The following PKDREJ variants were observed in gnomAD, a reference collection of about 807,000 sequenced individuals.
The protein encoded by PKDREJ is PKD and REJ homolog.
For missense variants in PKDREJ, 2,507 were observed against 2,807.2 expected (o/e 0.89, Z 2.42); for synonymous variants, 1,031 against 1,095.5 (o/e 0.94, Z 1.16).
At position 46,261,307 on chromosome 22, in the gene PKDREJ, G is replaced by A. The variant is rs1936693753; in HGVS notation, c.2016C>T (p.Asp672=). 6.2e-7 allele frequency: 1 copy of A among 1,613,968 alleles called. No individual in the cohort carries two copies. Among genetic ancestry groups the A allele is most frequent in the South Asian group, 1.1e-5 (1 of 91,080 alleles). Reference sequence around the variant, plus strand: ...TCAACACTGTCTTTGATGAATTTTTGTCAGTGGGAGCCTGTGCGGTGGCAT... The same window carrying A: ...TCAACACTGTCTTTGATGAATTTTTATCAGTGGGAGCCTGTGCGGTGGCAT... ...TLHATAQAPT[D]KNSSKTVLNQ... is the part of the protein sequence containing the mutation. Residue 672 remains aspartate, a synonymous_variant, in exon 1 of 1, where the codon GAC becomes GAT. Transcript: ENST00000253255. This position sits in a 1 kb window ranked among gnomAD's most constrained non-coding sequence, Gnocchi z 7.1.
In PKDREJ at chr22:46,262,591, C is replaced by G; in HGVS notation, c.732G>C (p.Ser244=). 2 of 1,611,670 alleles carry G rather than the reference C, an allele frequency of 1.2e-6. No homozygotes were observed. Among genetic ancestry groups the G allele is most frequent in the South Asian group, 1.1e-5 (1 of 90,828 alleles). Residue 244 remains serine (S), a synonymous_variant, in exon 1 of 1, where the codon TCG becomes TCC. Transcript: ENST00000253255. This position sits in a 1 kb window ranked among gnomAD's most constrained non-coding sequence, Gnocchi z 8.1. ...GCGCGGCCGGGCAGTCCAGCTGCAC[C>G]GAGGCGTTGATGGTGGCCTCCGCCT... ...SMQAEATINA[S]VQLDCPAARA... is the part of the protein sequence containing the mutation.
chr22:46,261,344 T>C lies in PKDREJ; in HGVS notation c.1979A>G (p.Gln660Arg), dbSNP rs1332468799. 3 of 1,613,848 alleles carry C rather than the reference T, an allele frequency of 1.9e-6. No homozygotes were observed. Among genetic ancestry groups the C allele is most frequent in the South Asian group, 1.1e-5 (1 of 91,080 alleles). ...CTGTGCGGTGGCATGCAAAGTCACCTGAGAAAAAGCTCCTAGAGAATCATA... is the reference window on the plus strand; with the variant it reads ...CTGTGCGGTGGCATGCAAAGTCACCCGAGAAAAAGCTCCTAGAGAATCATA... ...QVYDSLGAFSQVTLHATAQAP... is the reference protein window; with the variant it reads ...QVYDSLGAFSRVTLHATAQAP... Residue 660 changes from glutamine to arginine, a missense_variant, in exon 1 of 1, where the codon CAG becomes CGG. Transcript: ENST00000253255. The surrounding 1 kb of genome is among the most constrained non-coding windows in gnomAD (Gnocchi z 7.1).
chr22:46,256,547 G>A lies in PKDREJ; in HGVS notation c.*14C>T. ...GGGGGAACGCTTGCTTGTGACTCAT[G>A]AAACCATCATTCATCAAACAACAAG... On this transcript the variant is annotated 3_prime_UTR_variant, in exon 1 of 1. Coordinates refer to ENST00000253255, the MANE Select transcript of PKDREJ (RefSeq NM_006071.2). The surrounding 1 kb of genome is among the most constrained non-coding windows in gnomAD (Gnocchi z 5.3). The A allele has an allele frequency of 1.2e-6, 2 of 1,602,318 alleles. No homozygotes were observed. The highest frequency in any genetic ancestry group is 8.5e-7 in the Non-Finnish European group (1 of 1,175,144).
rs1291190662 is a variant in PKDREJ at position 46,260,202 on chromosome 22, T to C, written c.3121A>G (p.Ser1041Gly). ...GTGCAGGCTGGGTCAAACAGGGCAC[T>C]CTGGCTGGCAAATGGAGGGATGTCA... is the stretch of plus-strand genomic sequence containing the variant. ...PHDIPPFASQ[S>G]ALFDPACTVK... The change falls in exon 1 of 1, where the codon AGT (serine) becomes GGT (glycine). Residue 1041 changes from serine to glycine, a missense_variant. Coordinates refer to ENST00000253255, the MANE Select transcript of PKDREJ (RefSeq NM_006071.2). This position sits in a 1 kb window ranked among gnomAD's most constrained non-coding sequence, Gnocchi z 4.5. 1.2e-6 allele frequency: 2 copies of C among 1,614,038 alleles called. No individual in the cohort carries two copies. The highest frequency in any genetic ancestry group is 1.7e-6 in the Non-Finnish European group (2 of 1,180,038).
In PKDREJ at chr22:46,261,980, A is replaced by G. The variant is rs1480867965; in HGVS notation, c.1343T>C (p.Val448Ala). The G allele has an allele frequency of 2.5e-6, 4 of 1,613,940 alleles. No homozygotes were observed. Among genetic ancestry groups the G allele is most frequent in the African/African-American group, 2.7e-5 (2 of 74,918 alleles). ...DSRTAFSDKRVHVLQGPKAIA... is the reference protein window; with the variant it reads ...DSRTAFSDKRAHVLQGPKAIA... ...GGCTTTTGGTCCTTGGAGCACGTGGACCCTCTTATCAGAAAACGCTGTCCT... is the reference window on the plus strand; with the variant it reads ...GGCTTTTGGTCCTTGGAGCACGTGGGCCCTCTTATCAGAAAACGCTGTCCT... The change falls in exon 1 of 1, where the codon GTC becomes GCC. Residue 448 changes from valine (V) to alanine (A), a missense_variant. By Grantham distance (64) the Val-to-Ala change is moderately conservative. Coordinates refer to ENST00000253255, the MANE Select transcript of PKDREJ (RefSeq NM_006071.2). This position sits in a 1 kb window ranked among gnomAD's most constrained non-coding sequence, Gnocchi z 7.1.
At position 46,256,717 on chromosome 22, in the gene PKDREJ, G is replaced by T. The variant is rs1446602269; in HGVS notation, c.6606C>A (p.Thr2202=). Residue 2202 remains threonine, a synonymous_variant, in exon 1 of 1, where the codon ACC becomes ACA. Coordinates refer to ENST00000253255, the MANE Select transcript of PKDREJ (RefSeq NM_006071.2). This position sits in a 1 kb window ranked among gnomAD's most constrained non-coding sequence, Gnocchi z 5.3. ...AMTYLCRKLR[T]MFSFLTSQSK... ...ATTGCGAGGTCAGAAAGCTGAACAT[G>T]GTTCTCAGCTTACGGCACAAATAGG... 1 of 1,613,986 alleles carries T rather than the reference G, an allele frequency of 6.2e-7. No homozygotes were observed. The highest frequency in any genetic ancestry group is 8.5e-7 in the Non-Finnish European group (1 of 1,180,006).
In PKDREJ at chr22:46,258,421, T is replaced by C. The variant is rs1023105866; in HGVS notation, c.4902A>G (p.Ser1634=). The C allele has an allele frequency of 2.5e-6, 4 of 1,614,146 alleles. No homozygotes were observed. Among genetic ancestry groups the C allele is most frequent in the Non-Finnish European group, 2.5e-6 (3 of 1,180,046 alleles). Residue 1634 remains serine, a synonymous_variant, in exon 1 of 1, where the codon TCA becomes TCG. Coordinates refer to ENST00000253255, the MANE Select transcript of PKDREJ (RefSeq NM_006071.2). This position sits in a 1 kb window ranked among gnomAD's most constrained non-coding sequence, Gnocchi z 6.1. ...ACTTGGGTTTATTCGTTCTGAAGCCTGACAGGAGTATAATTTTAGATGGCT... is the reference window on the plus strand; with the variant it reads ...ACTTGGGTTTATTCGTTCTGAAGCCCGACAGGAGTATAATTTTAGATGGCT... ...LVQPSKIILL[S]GFRTNKPKYC... is the part of the protein sequence containing the mutation.
chr22:46,262,873 G>A lies in PKDREJ; in HGVS notation c.450C>T (p.Pro150=), dbSNP rs1936714881. ...AWAFRLRLLG[P]GAARPASPAA... is the part of the protein sequence containing the mutation. ...CGGGGGAGGCCGGGCGGGCGGCGCC[G>A]GGTCCGAGCAGCCGCAGGCGGAAGG... Residue 150 remains proline, a synonymous_variant, in exon 1 of 1, where the codon CCC becomes CCT. Transcript: ENST00000253255. This position sits in a 1 kb window ranked among gnomAD's most constrained non-coding sequence, Gnocchi z 8.1. The A allele has an allele frequency of 6.4e-6, 7 of 1,099,178 alleles. No homozygotes were observed. The South Asian group carries it at 2.2e-4, about 34-fold the overall frequency. 68.1% of individuals were successfully genotyped at this position (1,099,178 alleles called of 1,614,324 possible).
At position 46,260,510 on chromosome 22, in the gene PKDREJ, T is replaced by A. The variant is rs148751289; in HGVS notation, c.2813A>T (p.Asp938Val). The stretch of plus-strand genomic sequence containing the variant: ...TGTGATCTCTAGCACACTACCGTTA[T>A]CTGCAACTCCTGTCATTCTGAATCC... The part of the protein sequence containing the change: ...VSGFRMTGVA[D>V]NGSVLEITPD... The change falls in exon 1 of 1, where the codon GAT (aspartate) becomes GTT (valine). Residue 938 changes from aspartate to valine, a missense_variant. Asp to Val is a radical substitution (Grantham distance 152). Transcript: ENST00000253255. This position sits in a 1 kb window ranked among gnomAD's most constrained non-coding sequence, Gnocchi z 4.5. 222 of 1,614,218 alleles carry A rather than the reference T, an allele frequency of 1.4e-4. No individual in the cohort carries two copies. In the African/African-American group the frequency reaches 2.5e-3, roughly 18 times the overall value.
rs1189561602 is a variant in PKDREJ at position 46,257,416 on chromosome 22, C to G, written c.5907G>C (p.Val1969=). ...RKASAEIYLY[V]AILIFFLAYV... The stretch of plus-strand genomic sequence containing the variant: ...AGGCTAAGAAAAAAATGAGAATGGC[C>G]ACATACAAGTAGATTTCTGCTGAAG... The change falls in exon 1 of 1, where the codon GTG becomes GTC. Residue 1969 remains valine (V), a synonymous_variant. Transcript: ENST00000253255. This position sits in a 1 kb window ranked among gnomAD's most constrained non-coding sequence, Gnocchi z 4.7. The G allele has an allele frequency of 1.2e-6, 2 of 1,613,978 alleles. No homozygotes were observed. Among genetic ancestry groups the G allele is most frequent in the Admixed American group, 3.3e-5 (2 of 60,022 alleles).
chr22:46,257,055 AGAT>A lies in PKDREJ; in HGVS notation c.6265_6267del (p.Ile2089del). ...ACGGACACAACAAATGCCATGTGGC[AGAT>A]GCCAGGGAGGGCAGCCTGGATGGCC... On this transcript the variant is annotated inframe_deletion, in exon 1 of 1. Transcript: ENST00000253255. This position sits in a 1 kb window ranked among gnomAD's most constrained non-coding sequence, Gnocchi z 4.7. 1 of 1,614,014 alleles carries A rather than the reference AGAT, an allele frequency of 6.2e-7. No individual in the cohort carries two copies.
chr22:46,260,665 A>G lies in PKDREJ; in HGVS notation c.2658T>C (p.Tyr886=), dbSNP rs7287371. The G allele has an allele frequency of 9.8e-3, 15,855 of 1,614,086 alleles. 1,134 individuals are homozygous for G. The African/African-American group carries it at 0.17, about 17-fold the overall frequency. The change falls in exon 1 of 1, where the codon TAT becomes TAC. Residue 886 remains tyrosine (Y), a synonymous_variant. Coordinates refer to ENST00000253255, the MANE Select transcript of PKDREJ (RefSeq NM_006071.2). This position sits in a 1 kb window ranked among gnomAD's most constrained non-coding sequence, Gnocchi z 4.5. Reference sequence around the variant, plus strand: ...GAACACTGCTCACATTGAGTGTTGGATAAAAACAATTTCTGCAGTGTTTCT... The same window carrying G: ...GAACACTGCTCACATTGAGTGTTGGGTAAAAACAATTTCTGCAGTGTTTCT... ...RNEKHCRNCF[Y]PTLNVSSVPG...
Position 46,263,017 on chromosome 22 carries a change from C to A in PKDREJ, c.306G>T (p.Leu102=), listed in dbSNP as rs1381052959. ...CGAGCGCGGGCGCGGCCGGCCAGGG[C>A]AGGCGTTGGGCGCTGAGCAGGACGC... ...DLRVLLSAQR[L]PWPAAPALAL... The change falls in exon 1 of 1, where the codon CTG becomes CTT. Residue 102 remains leucine, a synonymous_variant. Coordinates refer to ENST00000253255, the MANE Select transcript of PKDREJ (RefSeq NM_006071.2). The surrounding 1 kb of genome is among the most constrained non-coding windows in gnomAD (Gnocchi z 9.4). The A allele has an allele frequency of 4.7e-5, 61 of 1,293,540 alleles. No homozygotes were observed. The highest frequency in any genetic ancestry group is 5.2e-5 in the Non-Finnish European group (53 of 1,011,574). 80.1% of individuals were successfully genotyped at this position (1,293,540 alleles called of 1,614,324 possible).
In PKDREJ at chr22:46,259,469, G is replaced by A. The variant is rs371348205; in HGVS notation, c.3854C>T (p.Thr1285Met). 155 of 1,614,150 alleles carry A rather than the reference G, an allele frequency of 9.6e-5. No individual in the cohort carries two copies. Among genetic ancestry groups the A allele is most frequent in the Non-Finnish European group, 1.2e-4 (143 of 1,180,032 alleles). The change falls in exon 1 of 1, where the codon ACG becomes ATG. Residue 1285 changes from threonine (T) to methionine (M), a missense_variant. Thr to Met is a moderately conservative substitution (Grantham distance 81, BLOSUM62 -1). Coordinates refer to ENST00000253255, the MANE Select transcript of PKDREJ (RefSeq NM_006071.2). The surrounding 1 kb of genome is among the most constrained non-coding windows in gnomAD (Gnocchi z 6.8). ...YRGSINTFLL[T>M]TKSDLGDIHS... Reference sequence around the variant, plus strand: ...GATGTCCCCCAAGTCACTTTTTGTCGTTAGGAGGAAAGTGTTGATGCTACC... The same window carrying A: ...GATGTCCCCCAAGTCACTTTTTGTCATTAGGAGGAAAGTGTTGATGCTACC...
Position 46,259,699 on chromosome 22 carries a change from A to T in PKDREJ, c.3624T>A (p.Asp1208Glu). The change falls in exon 1 of 1, where the codon GAT (aspartate) becomes GAA (glutamate). Residue 1208 changes from aspartate (D) to glutamate (E), a missense_variant. Asp to Glu is a conservative substitution (Grantham distance 45, BLOSUM62 2). Transcript: ENST00000253255. The surrounding 1 kb of genome is among the most constrained non-coding windows in gnomAD (Gnocchi z 6.8). ...GCCCCCGAAGATGCTGGTCCATTTCATCCCTGTATAAAGCCCAAAAAGCTA... is the reference window on the plus strand; with the variant it reads ...GCCCCCGAAGATGCTGGTCCATTTCTTCCCTGTATAAAGCCCAAAAAGCTA... ...VGLAFWALYRDEMDQHLRGHV... is the reference protein window; with the variant it reads ...VGLAFWALYREEMDQHLRGHV... 1.9e-6 allele frequency: 3 copies of T among 1,614,168 alleles called. No individual in the cohort carries two copies. The highest frequency in any genetic ancestry group is 1.7e-6 in the Non-Finnish European group (2 of 1,180,022).
Position 46,260,503 on chromosome 22 carries a change from AC to A in PKDREJ, c.2819del (p.Gly940ValfsTer4). On this transcript the variant is annotated frameshift_variant, in exon 1 of 1. Transcript: ENST00000253255. LOFTEE classifies it low-confidence loss of function (END_TRUNC). The surrounding 1 kb of genome is among the most constrained non-coding windows in gnomAD (Gnocchi z 4.5). The stretch of plus-strand genomic sequence containing the variant: ...CATCAGGTGTGATCTCTAGCACACT[AC>A]CGTTATCTGCAACTCCTGTCATTCT... Reference protein sequence around the residue: ...GFRMTGVADNGSVLEITPDVA... With the variant: ...GFRMTGVADNXSVLEITPDVA... 1 of 1,614,176 alleles carries A rather than the reference AC, an allele frequency of 6.2e-7. No homozygotes were observed. Among genetic ancestry groups the A allele is most frequent in the Non-Finnish European group, 8.5e-7 (1 of 1,180,004 alleles).
chr22:46,258,617 C>A lies in PKDREJ; in HGVS notation c.4706G>T (p.Arg1569Leu), dbSNP rs773720814. 3 of 1,614,028 alleles carry A rather than the reference C, an allele frequency of 1.9e-6. No homozygotes were observed. The highest frequency in any genetic ancestry group is 1.1e-5 in the South Asian group (1 of 91,078). ...AACACACCACCAAGGTAGGACGATC[C>A]GGGGCTTTTTCTTAAGCTGCTGGAG... ...KDLQQLKKKP[R>L]IVLPWWCVYV... is the part of the protein sequence containing the mutation. The change falls in exon 1 of 1, where the codon CGG becomes CTG. Residue 1569 changes from arginine to leucine, a missense_variant. Coordinates refer to ENST00000253255, the MANE Select transcript of PKDREJ (RefSeq NM_006071.2). This position sits in a 1 kb window ranked among gnomAD's most constrained non-coding sequence, Gnocchi z 6.1.
chr22:46,261,353 G>A lies in PKDREJ; in HGVS notation c.1970C>T (p.Ala657Val), dbSNP rs368339566. 6.2e-6 allele frequency: 10 copies of A among 1,613,672 alleles called. No homozygotes were observed. Among genetic ancestry groups the A allele is most frequent in the Non-Finnish European group, 8.5e-6 (10 of 1,180,004 alleles). Reference sequence around the variant, plus strand: ...GGCATGCAAAGTCACCTGAGAAAAAGCTCCTAGAGAATCATAGACCTGGGC... The same window carrying A: ...GGCATGCAAAGTCACCTGAGAAAAAACTCCTAGAGAATCATAGACCTGGGC... ...IYAQVYDSLG[A>V]FSQVTLHATA... Residue 657 changes from alanine to valine, a missense_variant, in exon 1 of 1, where the codon GCT (alanine) becomes GTT (valine). Transcript: ENST00000253255. This position sits in a 1 kb window ranked among gnomAD's most constrained non-coding sequence, Gnocchi z 7.1.
chr22:46,258,231 T>G lies in PKDREJ; in HGVS notation c.5092A>C (p.Lys1698Gln). The G allele has an allele frequency of 6.2e-7, 1 of 1,614,230 alleles. No individual in the cohort carries two copies. Among genetic ancestry groups the G allele is most frequent in the East Asian group, 2.2e-5 (1 of 44,892 alleles). The change falls in exon 1 of 1, where the codon AAA becomes CAA. Residue 1698 changes from lysine (K) to glutamine (Q), a missense_variant. Coordinates refer to ENST00000253255, the MANE Select transcript of PKDREJ (RefSeq NM_006071.2). The surrounding 1 kb of genome is among the most constrained non-coding windows in gnomAD (Gnocchi z 6.1). Reference protein sequence around the residue: ...PLTEDEIRIFKRKKRIKRRAL... With the variant: ...PLTEDEIRIFQRKKRIKRRAL... ...CTTCTCTTGATCCTCTTCTTTCTTTTGAATATTCTGATTTCATCTTCTGTA... is the reference window on the plus strand; with the variant it reads ...CTTCTCTTGATCCTCTTCTTTCTTTGGAATATTCTGATTTCATCTTCTGTA...
Sources: gnomAD v4.1 joint callset for allele counts on GRCh38, gnomAD v4.1.1 for gene constraint, Gnocchi (gnomAD v3.1) non-coding constraint, MANE v1.5 for transcripts, NCBI Gene and HGNC (gene_info 2026-07-23, HGNC 2026-07-21) for gene names.